SERPINA12: variants seen among roughly 807,000 people sequenced by gnomAD.
SERPINA12 encodes serpin family A member 12.
In SERPINA12, 21 loss-of-function variants were observed where a neutral mutation model predicts 25.9. The ratio of observed to expected loss-of-function variants is 0.81; its 90% CI spans 0.58 to 1.17. The LOEUF (loss-of-function observed/expected upper bound fraction) is 1.17, where lower values mean the gene tolerates loss of function less well. Ranked by LOEUF, SERPINA12 falls within the 50% of genes most tolerant of loss-of-function variation. SERPINA12 has a pLI of 0.00. For synonymous variants in SERPINA12, 220 were observed against 196.0 expected, an observed-to-expected ratio of 1.12 and a Z score of -1.02; for missense variants, 562 against 508.3, an observed-to-expected ratio of 1.11 and a Z score of -1.02.
At position 94,496,476 on chromosome 14, in the gene SERPINA12, T is replaced by C. The variant is rs1900425956; in HGVS notation, c.802A>G (p.Ile268Val). 5.0e-6 allele frequency: 8 copies of C among 1,614,218 alleles called. No homozygotes were observed. The highest frequency in any genetic ancestry group is 6.8e-6 in the Non-Finnish European group (8 of 1,180,036). ...TILEIPYQKN[I>V]TAIFILPDEG... ...TCAGGAAGGATGAAGATGGCTGTGA[T>C]ATTTTTCTGGTAGGGTATTTCCAGG... is the stretch of plus-strand genomic sequence containing the variant. The change falls in exon 3 of 5, where the codon ATC becomes GTC. Residue 268 changes from isoleucine (I) to valine (V), a missense_variant. Ile to Val is a conservative substitution (Grantham distance 29). Coordinates refer to ENST00000677451, the MANE Select transcript of SERPINA12 (RefSeq NM_001382267.1).
intron 4 of SERPINA12, among the ~76,000 whole-genome samples, chr14:94,488,806 C>T (rs969871171): frequency 6.6e-6 from 1 of 152,126 alleles, no homozygotes; most frequent in African/African-American, 2.4e-5. Flanking sequence ...TCATATGAAA[C>T]ATGTGGCCTT....
upstream of SERPINA12, among the ~76,000 whole-genome samples, chr14:94,514,120 G>A (rs1193054022): frequency 2.0e-5 from 3 of 152,296 alleles, no homozygotes; most frequent in East Asian, 5.8e-4. Context: ...CAAAGCCCTG[G>A]GACAGTGCCT....
chr14:94,490,826 A>T (rs1900148534), intron 3 of SERPINA12, among the ~76,000 whole-genome samples: 1 of 152,030 alleles, frequency 6.6e-6, no homozygotes, highest in African/African-American at 2.4e-5. Context: ...ACGTGATGGT[A>T]ATCCCTTTCT....
intron 3 of SERPINA12, among the ~76,000 whole-genome samples, chr14:94,492,809 A>G (rs1410289837): frequency 6.6e-6 from 1 of 152,198 alleles, no homozygotes; most frequent in Non-Finnish European, 1.5e-5. Context: ...GAACAGGACA[A>G]TGGCTATTTC....
At chr14:94,495,112 A>G (rs1454942102) in intron 3 of SERPINA12, among the ~76,000 whole-genome samples, 1 of 117,542 alleles carries the variant, frequency 8.5e-6, no homozygotes, top group Non-Finnish European at 1.6e-5. Flanking sequence ...TCTGTCGCCC[A>G]GGCTGGAGTG....
chr14:94,498,130 C>T lies in SERPINA12; in HGVS notation c.268G>A (p.Ala90Thr). The T allele has an allele frequency of 6.2e-7, 1 of 1,614,082 alleles. No homozygotes were observed. Among genetic ancestry groups the T allele is most frequent in the Non-Finnish European group, 8.5e-7 (1 of 1,180,018 alleles). ...ATCTCGTCCAGGGTGCTGTCCTGGG[C>T]ACCCAGGCACAGCATGGAGAAAGCT... The part of the protein sequence containing the change: ...STAFSMLCLG[A>T]QDSTLDEIKQ... The change falls in exon 2 of 5, where the codon GCC (alanine) becomes ACC (threonine). Residue 90 changes from alanine (A) to threonine (T), a missense_variant. Ala to Thr is a moderately conservative substitution (Grantham distance 58, BLOSUM62 0). Transcript: ENST00000677451.
chr14:94,515,720 C>T (rs117068684), intron 2 of SERPINA12: 2,535 of 141,922 alleles, frequency 0.018, 27 homozygotes, highest in Non-Finnish European at 0.029. Flanking sequence ...AGTGCAGATG[C>T]GGGCAAGCAG....
intron 1 of SERPINA12, chr14:94,504,218 A>AGGCCAATACAATGAGCT (rs1900852851): frequency 6.6e-6 from 1 of 152,190 alleles, no homozygotes; most frequent in Non-Finnish European, 1.5e-5. Flanking sequence ...TGGAAGAGTA[A>AGGCCAATACAATGAGCT]GGCCAATACA....
In SERPINA12 at chr14:94,487,448, C is replaced by T. The variant is rs201506390; in HGVS notation, c.1100G>A (p.Gly367Glu). Residue 367 changes from glycine to glutamate, a missense_variant, in exon 5 of 5, where the codon GGG (glycine) becomes GAG (glutamate). Gly to Glu is a moderately conservative substitution (Grantham distance 98). Coordinates refer to ENST00000677451, the MANE Select transcript of SERPINA12 (RefSeq NM_001382267.1). The part of the protein sequence containing the change: ...ELKMDERGTE[G>E]AAGTGAQTLP... ...AGTCTGTGCTCCGGTGCCAGCGGCC[C>T]CTTCCGTACCCCTCTCATCCATCTT... 1.4e-4 allele frequency: 234 copies of T among 1,614,064 alleles called. 1 individual carries two copies. The highest frequency in any genetic ancestry group is 2.1e-5 in the Non-Finnish European group (25 of 1,180,006).
At chr14:94,496,720 C>G (rs1415737787) in intron 2 of SERPINA12, 77 bp from the exon 3 acceptor site, 25 of 1,213,196 alleles carry the variant, frequency 2.1e-5, no homozygotes, top group Non-Finnish European at 2.9e-5. Flanking sequence ...CCAGTAGTCT[C>G]TCTCCACACA....
chr14:94,507,115 AG>A (rs1900956789), intron 1 of SERPINA12, among the ~76,000 whole-genome samples: 1 of 152,254 alleles, frequency 6.6e-6, no homozygotes, highest in Admixed American at 6.5e-5. Flanking sequence ...ATGTCCATAC[AG>A]GAAAAATATA....
Position 94,505,863 on chromosome 14 carries a change from G to A in SERPINA12, c.-34+3479C>T, listed in dbSNP as rs74077739. Among the ~76,000 whole-genome samples the A allele has an allele frequency of 7.5e-3, 1,138 of 152,358 alleles. 7 individuals carry two copies. The highest frequency in any genetic ancestry group is 0.025 in the African/African-American group (1,024 of 41,582). ...GCCAGAGGCCAGTAGGCCATGGGCA[G>A]AGGGTAGCCACAGGTGGGCTGCCGG... On this transcript the variant is annotated intron_variant, in intron 1 of 4. Transcript: ENST00000677451.
Position 94,497,798 on chromosome 14 carries a change from AGTGCCGGG to A in SERPINA12, c.592_599del (p.Pro198CysfsTer17), listed in dbSNP as rs1566809437. On this transcript the variant is annotated frameshift_variant, in exon 2 of 5. Coordinates refer to ENST00000677451, the MANE Select transcript of SERPINA12 (RefSeq NM_001382267.1). LOFTEE classifies it high-confidence loss of function. ...AAATATAATTTGCAAGAAGCATCAC[AGTGCCGGG>A]GTCTATATTCTCGATCAGGTTGTTA... 2 of 1,608,634 alleles carry A rather than the reference AGTGCCGGG, an allele frequency of 1.2e-6. No homozygotes were observed. The highest frequency in any genetic ancestry group is 2.2e-5 in the South Asian group (2 of 89,890).
upstream of SERPINA12, chr14:94,511,363 G>T: frequency 1.0e-6 from 1 of 974,326 alleles, no homozygotes; most frequent in Non-Finnish European, 1.2e-6. Flanking sequence ...TCTGTCAAAT[G>T]TCACACGGTT....
intron 1 of SERPINA12, chr14:94,503,271 A>G (rs1171939452): frequency 3.0e-6 from 3 of 985,044 alleles, no homozygotes; most frequent in Non-Finnish European, 3.6e-6. Context: ...GACCACAGCA[A>G]TATACTTTCT....
At chr14:94,497,732 T>G (rs1900496964) in intron 2 of SERPINA12, 32 bp downstream of exon 2, 2 of 1,566,890 alleles carry the variant, frequency 1.3e-6, no homozygotes, top group Non-Finnish European at 1.7e-6. Flanking sequence ...GGTCATCCTA[T>G]TCTTTCCACA....
At chr14:94,511,317 A>G (rs895534105), upstream of SERPINA12, 31 of 707,744 alleles carry the variant, frequency 4.4e-5, no homozygotes, top group South Asian at 6.4e-5. Flanking sequence ...GTCACACTAT[A>G]CAGATGAGAA....
At position 94,516,748 on chromosome 14, in the gene SERPINA12, C is replaced by T. The variant is rs547046861; in HGVS notation, c.-352-594G>A. On this transcript the variant is annotated intron_variant, in intron 1 of 5. Coordinates refer to the SERPINA12 transcript ENST00000341228. ...CTGTCCCCAAGACCTATTGCCTTTGCACTCTCTGACCCCAGGTCCTAATTC... is the reference window on the plus strand; with the variant it reads ...CTGTCCCCAAGACCTATTGCCTTTGTACTCTCTGACCCCAGGTCCTAATTC... Among the ~76,000 whole-genome samples the T allele has an allele frequency of 2.0e-5, 3 of 152,314 alleles. No homozygotes were observed. In the South Asian group the frequency reaches 6.2e-4, roughly 32 times the overall value.
chr14:94,487,669 C>T (rs2139842499), intron 4 of SERPINA12, among the ~76,000 whole-genome samples, 175 bp from the exon 5 acceptor site: 1 of 152,094 alleles, frequency 6.6e-6, no homozygotes, highest in East Asian at 1.9e-4. Flanking sequence ...GGAGAATATT[C>T]GACAAGCAGA....
Sources: allele counts gnomAD v4.1 joint callset (sites outside exome capture counted in the v4.1 genomes callset), GRCh38; gene constraint gnomAD v4.1.1; transcripts MANE v1.5; gene names NCBI Gene and HGNC (gene_info 2026-07-23, HGNC 2026-07-21).